ZSWIM5: variants seen among roughly 807,000 people sequenced by gnomAD.
The protein encoded by ZSWIM5 is zinc finger SWIM-type containing 5.
ZSWIM5 carries 55 observed loss-of-function variants against 119.6 expected under a neutral mutation model. The observed-to-expected ratio is 0.46, with a 90% confidence interval of 0.37 to 0.58. The LOEUF (loss-of-function observed/expected upper bound fraction) is 0.58, where lower values mean the gene tolerates loss of function less well. Ranked by LOEUF, ZSWIM5 falls within the 20% of genes least tolerant of loss-of-function variation. The pLI, the probability that ZSWIM5 is intolerant of heterozygous loss-of-function variation, is 0.00. For missense variants in ZSWIM5, 1,193 were observed against 1,512.8 expected (o/e 0.79, Z 3.51); for synonymous variants, 537 against 606.9 (o/e 0.88, Z 1.69).
intron 1 of ZSWIM5, among the ~76,000 whole-genome samples, chr1:45,173,881 T>C (rs1645960212): frequency 6.6e-6 from 1 of 152,130 alleles, no homozygotes; most frequent in African/African-American, 2.4e-5. Context: ...CATAATTGCT[T>C]AAAAAACTTT....
chr1:45,185,360 A>G (rs1022419432), intron 1 of ZSWIM5, among the ~76,000 whole-genome samples: 2 of 151,378 alleles, frequency 1.3e-5, no homozygotes, highest in African/African-American at 4.9e-5. Context: ...CATGTCTAAA[A>G]CACCAAAAGC....
At chr1:45,174,353 T>C (rs1174966923) in intron 1 of ZSWIM5, among the ~76,000 whole-genome samples, 1 of 152,086 alleles carries the variant, frequency 6.6e-6, no homozygotes, top group Admixed American at 6.6e-5. Flanking sequence ...AGATTTTTAA[T>C]GTAAGCTAAG....
At chr1:45,170,875 C>T (rs921235024) in intron 1 of ZSWIM5, among the ~76,000 whole-genome samples, 9 of 152,096 alleles carry the variant, frequency 5.9e-5, no homozygotes, top group African/African-American at 2.2e-4. Context: ...AATGAGGCAC[C>T]ACACTTGGCT....
intron 1 of ZSWIM5, among the ~76,000 whole-genome samples, chr1:45,132,169 G>T (rs1645661407): frequency 6.6e-6 from 1 of 151,090 alleles, no homozygotes. Context: ...ATATGTACTT[G>T]TATATGAAAA....
intron 1 of ZSWIM5, among the ~76,000 whole-genome samples, chr1:45,125,765 C>CAAAAAAAA (rs77954473): frequency 8.9e-6 from 1 of 111,932 alleles, no homozygotes. Context: ...CTCCGTTTCA[C>CAAAAAAAA]AAAAAAAAAA....
intron 1 of ZSWIM5, among the ~76,000 whole-genome samples, chr1:45,115,504 C>T (rs1397910983): frequency 2.6e-5 from 3 of 117,554 alleles, no homozygotes; most frequent in Non-Finnish European, 5.4e-5. Flanking sequence ...CAGACGGGGT[C>T]GCGGCCGGGC....
At chr1:45,021,662 G>T (rs1057513796) in intron 11 of ZSWIM5, among the ~76,000 whole-genome samples, 8 of 152,136 alleles carry the variant, frequency 5.3e-5, no homozygotes, top group Admixed American at 6.5e-5. Context: ...AGAAGGAATG[G>T]TATGACTACA....
rs1557736605 is a variant in ZSWIM5 at position 45,016,883 on chromosome 1, A to G, written c.*1571T>C. On this transcript the variant is annotated 3_prime_UTR_variant, in exon 14 of 14. Coordinates refer to ENST00000359600, the MANE Select transcript of ZSWIM5 (RefSeq NM_020883.2). ...ACACTATGGAGGTCAGCCAGGGCTA[A>G]GACAGGACTGCCCACTAGGGCTAGA... 1 of 152,328 alleles carries G rather than the reference A, an allele frequency of 6.6e-6. No individual in the cohort carries two copies. The highest frequency in any genetic ancestry group is 1.5e-5 in the Non-Finnish European group (1 of 68,102). 9.4% of individuals were successfully genotyped at this position (152,328 alleles called of 1,614,324 possible). A position where few individuals can be genotyped will look rare whatever the true frequency, so the allele number is the denominator to read the frequency against.
At chr1:45,200,670 T>G (rs1646153210) in intron 1 of ZSWIM5, among the ~76,000 whole-genome samples, 1 of 152,204 alleles carries the variant, frequency 6.6e-6, no homozygotes, top group Non-Finnish European at 1.5e-5. Flanking sequence ...ATTTTAACCT[T>G]TAAATAACCA....
At chr1:45,066,554 AC>A (rs752665349) in intron 2 of ZSWIM5, among the ~76,000 whole-genome samples, 19 of 152,356 alleles carry the variant, frequency 1.2e-4, no homozygotes, top group African/African-American at 2.6e-4. Flanking sequence ...TTCAAAAAAA[AC>A]ATTATGTCAT....
At chr1:45,113,969 T>C (rs1459937103) in intron 1 of ZSWIM5, among the ~76,000 whole-genome samples, 7 of 152,244 alleles carry the variant, frequency 4.6e-5, no homozygotes, top group Non-Finnish European at 1.0e-4. Context: ...ATGTAGTTTA[T>C]AAGTTCTCCC....
intron 1 of ZSWIM5, among the ~76,000 whole-genome samples, chr1:45,100,234 A>C (rs1024951622): frequency 6.6e-6 from 1 of 152,222 alleles, no homozygotes; most frequent in African/African-American, 2.4e-5. Flanking sequence ...AAAAATCACA[A>C]GCATTCCTAT....
intron 1 of ZSWIM5, among the ~76,000 whole-genome samples, chr1:45,167,495 CT>C (rs1434972024): frequency 5.3e-5 from 8 of 151,948 alleles, no homozygotes; most frequent in South Asian, 2.1e-4. Flanking sequence ...AACTAAAGAG[CT>C]TCTGCACAGC....
intron 1 of ZSWIM5, among the ~76,000 whole-genome samples, chr1:45,091,761 ACACTTGGC>A (rs1429966397): frequency 6.6e-6 from 1 of 152,186 alleles, no homozygotes; most frequent in Non-Finnish European, 1.5e-5. Flanking sequence ...TGCTTCAGGC[ACACTTGGC>A]TTGCAGCACA....
Position 45,064,205 on chromosome 1 carries a change from TATTC to T in ZSWIM5, c.953-3962_953-3959del, listed in dbSNP as rs1645169327. Among the ~76,000 whole-genome samples, 8 of 152,362 alleles carry T rather than the reference TATTC, an allele frequency of 5.3e-5. No individual in the cohort carries two copies. The South Asian group carries it at 1.7e-3, about 32-fold the overall frequency. The stretch of plus-strand genomic sequence containing the variant: ...ATTTTTTGTATTTGTATTCTCCTGA[TATTC>T]ATTCACTTACTAATTAACATTCTAC... On this transcript the variant is annotated intron_variant, in intron 2 of 13. Transcript: ENST00000359600.
chr1:45,166,620 A>C (rs544874253), intron 1 of ZSWIM5, among the ~76,000 whole-genome samples: 2 of 152,288 alleles, frequency 1.3e-5, no homozygotes, highest in East Asian at 1.9e-4. Context: ...AACTTCAGCA[A>C]AGTGTCAGGA....
intron 1 of ZSWIM5, among the ~76,000 whole-genome samples, chr1:45,090,698 C>T (rs1415804979): frequency 6.6e-6 from 1 of 151,958 alleles, no homozygotes; most frequent in African/African-American, 2.4e-5. Context: ...GTGGCACACA[C>T]TTGTAGTCCT....
intron 2 of ZSWIM5, among the ~76,000 whole-genome samples, chr1:45,075,877 A>ATT (rs58309693): frequency 0.16 from 19,719 of 126,940 alleles, 1,886 homozygotes; most frequent in African/African-American, 0.26. Context: ...TAGCTGTTGT[A>ATT]TTTTTTTTTT....
At chr1:45,156,776 G>A (rs1645829435) in intron 1 of ZSWIM5, among the ~76,000 whole-genome samples, 1 of 150,866 alleles carries the variant, frequency 6.6e-6, no homozygotes, top group South Asian at 2.1e-4. Flanking sequence ...GGCCAGTTGG[G>A]CAAATAAAAC....
Sources: gnomAD v4.1 joint callset for allele counts (sites outside exome capture counted in the v4.1 genomes callset) on GRCh38, gnomAD v4.1.1 for gene constraint, MANE v1.5 for transcripts, NCBI Gene and HGNC (gene_info 2026-07-23, HGNC 2026-07-21) for gene names.